The following ARID4A variants were observed in gnomAD, a reference collection of about 807,000 sequenced individuals.
ARID4A encodes the protein AT-rich interactive domain-containing protein 4A.
A neutral mutation model predicts 148.6 loss-of-function variants in ARID4A; 39 were observed. The ratio of observed to expected loss-of-function variants is 0.26; its 90% CI spans 0.20 to 0.34. The LOEUF is 0.34. ARID4A is among the 10% of genes least tolerant of loss of function. The pLI is 1.00. For synonymous variants in ARID4A, 475 were observed against 481.2 expected, an observed-to-expected ratio of 0.99 and a Z score of 0.17; for missense variants, 1,265 against 1,449.1, an observed-to-expected ratio of 0.87 and a Z score of 2.06.
intron 8 of ARID4A, among the ~76,000 whole-genome samples, chr14:58,326,599 A>T (rs1273096909): frequency 6.6e-6 from 1 of 152,212 alleles, no homozygotes; most frequent in Non-Finnish European, 1.5e-5. Context: ...AAGAATTTGG[A>T]CATAATTCTG....
At chr14:58,312,722 T>G (rs2032133807) in intron 5 of ARID4A, among the ~76,000 whole-genome samples, 1 of 152,160 alleles carries the variant, frequency 6.6e-6, no homozygotes, top group Non-Finnish European at 1.5e-5. Flanking sequence ...ATACTTCTGT[T>G]TCATGCCTAT....
At chr14:58,359,922 C>T (rs949335112) in intron 18 of ARID4A, among the ~76,000 whole-genome samples, 4 of 152,024 alleles carry the variant, frequency 2.6e-5, no homozygotes, top group Non-Finnish European at 5.9e-5. Flanking sequence ...AAAAATTAGC[C>T]GGTCGTGGTG....
intron 5 of ARID4A, among the ~76,000 whole-genome samples, chr14:58,307,992 G>T (rs1160749347): frequency 2.4e-5 from 2 of 84,006 alleles, no homozygotes; most frequent in Non-Finnish European, 5.0e-5. Context: ...TCACTATAAA[G>T]GTTGTACTCA....
rs188331579 is a variant in ARID4A, at chr14:58,365,152, T to C, written c.3063T>C (p.Ser1021=). 35 of 1,614,040 alleles carry C rather than the reference T, an allele frequency of 2.2e-5. No individual in the cohort carries two copies. In the Admixed American group the frequency reaches 3.0e-4, roughly 14 times the overall value. Residue 1021 remains serine (S), a synonymous_variant, in exon 20 of 24, where the codon AGT becomes AGC. Coordinates refer to ENST00000355431, the MANE Select transcript of ARID4A (RefSeq NM_002892.4). ...LSQDESRSVK[S]ESDITIEVDS... is the part of the protein sequence containing the mutation. ...AAGATGAGTCTCGAAGCGTAAAAAG[T>C]GAGAGTGATATAACGATTGAAGTTG...
intron 5 of ARID4A, 74 bp from the exon 6 acceptor site, chr14:58,318,468 A>G (rs981635694): frequency 5.1e-6 from 7 of 1,374,592 alleles, no homozygotes; most frequent in Admixed American, 3.4e-5. Context: ...TAATAGCAAT[A>G]ATAGCATTCT....
intron 5 of ARID4A, among the ~76,000 whole-genome samples, chr14:58,309,063 A>G (rs192309986): frequency 5.7e-4 from 87 of 152,240 alleles, no homozygotes; most frequent in Admixed American, 3.1e-3. Flanking sequence ...ATATAGTATG[A>G]CTCAGTTTTT....
At chr14:58,317,985 G>T (rs1164010341) in intron 5 of ARID4A, among the ~76,000 whole-genome samples, 2 of 150,968 alleles carry the variant, frequency 1.3e-5, no homozygotes, top group African/African-American at 2.4e-5. Context: ...AAAAAAAAAA[G>T]TTTTTTTAAA....
chr14:58,320,619 T>TTTTTG, intron 7 of ARID4A, among the ~76,000 whole-genome samples: 1 of 150,480 alleles, frequency 6.6e-6, no homozygotes, highest in Non-Finnish European at 1.5e-5. Flanking sequence ...TTTTTTTTTT[T>TTTTTG]TCCCCTGAGA....
chr14:58,337,246 T>TTTTATATATATATATA (rs1555361740), intron 11 of ARID4A, among the ~76,000 whole-genome samples: 1 of 83,818 alleles, frequency 1.2e-5, no homozygotes, highest in East Asian at 3.1e-4. Context: ...TTCTCTTTAT[T>TTTTATATATATATATA]TATATATATA....
At chr14:58,325,285 T>TTTGTC (rs1366073380) in intron 8 of ARID4A, among the ~76,000 whole-genome samples, 3 of 152,096 alleles carry the variant, frequency 2.0e-5, no homozygotes, top group African/African-American at 7.2e-5. Flanking sequence ...CTTGTTTTGT[T>TTTGTC]TTGTTTTGTT....
At chr14:58,309,904 G>A (rs1247267252) in intron 5 of ARID4A, among the ~76,000 whole-genome samples, 2 of 152,136 alleles carry the variant, frequency 1.3e-5, no homozygotes, top group Non-Finnish European at 2.9e-5. Flanking sequence ...AGATTCAACT[G>A]GTGAATTAAT....
chr14:58,364,432 A>T lies in ARID4A; in HGVS notation c.2343A>T (p.Glu781Asp), dbSNP rs778248723. Residue 781 changes from glutamate to aspartate, a missense_variant, in exon 20 of 24, where the codon GAA becomes GAT. Glu to Asp is a conservative substitution (Grantham distance 45, BLOSUM62 2). Coordinates refer to ENST00000355431, the MANE Select transcript of ARID4A (RefSeq NM_002892.4). ...GGAACAAAATGGAAAAAACAGAAGA[A>T]GTTAAGAAAGAAGCCGAAAAATCTC... ...IFGNKMEKTE[E>D]VKKEAEKSPK... is the part of the protein sequence containing the mutation. The T allele has an allele frequency of 6.2e-7, 1 of 1,613,256 alleles. No homozygotes were observed. The highest frequency in any genetic ancestry group is 1.1e-5 in the South Asian group (1 of 90,810).
At chr14:58,343,708 TAGTC>T (rs2140225582) in intron 11 of ARID4A, among the ~76,000 whole-genome samples, 1 of 152,044 alleles carries the variant, frequency 6.6e-6, no homozygotes, top group East Asian at 1.9e-4. Context: ...CACACTCCTG[TAGTC>T]CCAGCTACTC....
Position 58,367,029 on chromosome 14 carries a change from G to A in ARID4A, c.3670G>A (p.Val1224Met), listed in dbSNP as rs1340909363. 6.8e-7 allele frequency: 1 copy of A among 1,477,780 alleles called. No homozygotes were observed. The highest frequency in any genetic ancestry group is 8.9e-7 in the Non-Finnish European group (1 of 1,119,434). 91.5% of individuals were successfully genotyped at this position (1,477,780 alleles called of 1,614,324 possible). A position where few individuals can be genotyped will look rare whatever the true frequency, so the allele number is the denominator to read the frequency against. Residue 1224 changes from valine to methionine, a missense_variant and splice_region_variant, in exon 23 of 24, where the codon GTG becomes ATG. This residue lies in a region of ARID4A where 666 missense variants were observed against 730.9 expected (regional missense o/e 0.91). Coordinates refer to ENST00000355431, the MANE Select transcript of ARID4A (RefSeq NM_002892.4). ...RKRLKKKDRE[V>M]SHAGASMSSA... ...AAGATTAAAAAAGAAAGACAGGGAAGGTAATTTTATTATGATTTTTCTCCC... is the reference window on the plus strand; with the variant it reads ...AAGATTAAAAAAGAAAGACAGGGAAAGTAATTTTATTATGATTTTTCTCCC...
At chr14:58,329,438 GT>G in intron 9 of ARID4A, 89 bp from the exon 10 acceptor site, 1 of 851,036 alleles carries the variant, frequency 1.2e-6, no homozygotes, top group Non-Finnish European at 1.9e-6. Context: ...TGATTTTGAG[GT>G]TTTTATTTTT....
At chr14:58,312,101 A>G in intron 5 of ARID4A, among the ~76,000 whole-genome samples, 1 of 152,214 alleles carries the variant, frequency 6.6e-6, no homozygotes, top group African/African-American at 2.4e-5. Flanking sequence ...CTCACCACAC[A>G]CAAAAAAATA....
At chr14:58,363,791 T>C (rs8004532) in intron 19 of ARID4A, among the ~76,000 whole-genome samples, 52,365 of 152,068 alleles carry the variant, frequency 0.34, 9,193 homozygotes, top group East Asian at 0.52. Context: ...ATGCCCATCA[T>C]CTGTCCTTCC....
At chr14:58,323,199 G>T (rs1309790741) in intron 7 of ARID4A, among the ~76,000 whole-genome samples, 2 of 151,620 alleles carry the variant, frequency 1.3e-5, no homozygotes, top group African/African-American at 4.8e-5. Flanking sequence ...GTATTTAATG[G>T]TGGTGTAATT....
chr14:58,366,261 A>G (rs1301827352), intron 22 of ARID4A, 31 bp downstream of exon 22: 15 of 1,482,662 alleles, frequency 1.0e-5, no homozygotes, highest in Non-Finnish European at 1.4e-5. Context: ...TTGATAGATG[A>G]ATACTGTAAA....
Sources: gnomAD v4.1 joint callset for allele counts (sites outside exome capture counted in the v4.1 genomes callset) on GRCh38, gnomAD v4.1.1 for gene constraint, gnomAD v4.1.1 regional missense constraint, MANE v1.5 for transcripts, NCBI Gene and HGNC (gene_info 2026-07-23, HGNC 2026-07-21) for gene names.